FBLN5: variants seen among roughly 807,000 people sequenced by gnomAD.
FBLN5 encodes the protein fibulin-5.
FBLN5 carries 24 observed loss-of-function variants against 61.6 expected under a neutral mutation model. The observed-to-expected ratio is 0.39, with a 90% CI of 0.28 to 0.55. FBLN5 has a LOEUF of 0.55. Among genes scored for constraint, FBLN5 ranks in the 20% least tolerant of loss-of-function variants. The pLI, the probability that FBLN5 is intolerant of heterozygous loss-of-function variation, is 0.65. For synonymous variants in FBLN5, 213 were observed against 219.8 expected (o/e 0.97, Z 0.27); for missense variants, 470 against 594.1 (o/e 0.79, Z 2.17).
At chr14:91,874,385 G>A (rs886345296) in intron 10 of FBLN5, 5 of 152,168 alleles carry the variant, frequency 3.3e-5, no homozygotes, top group Admixed American at 3.3e-4. Flanking sequence ...ATTGTAACTG[G>A]ATGTTAGACT....
intron 10 of FBLN5, among the ~76,000 whole-genome samples, chr14:91,871,689 TCTA>T (rs1490781904): frequency 1.3e-5 from 2 of 152,050 alleles, no homozygotes; most frequent in East Asian, 3.9e-4. Flanking sequence ...AAACCCCATC[TCTA>T]CTAAAACTAG....
chr14:91,928,335 G>A (rs543073480), intron 4 of FBLN5, among the ~76,000 whole-genome samples: 1 of 152,344 alleles, frequency 6.6e-6, no homozygotes, highest in African/African-American at 2.4e-5. Context: ...AAACTTTTCT[G>A]TGTGTGCCTT....
chr14:91,929,129 T>C (rs1189208367), intron 4 of FBLN5, among the ~76,000 whole-genome samples: 2 of 147,622 alleles, frequency 1.4e-5, no homozygotes. Context: ...CACACACACA[T>C]GATACAGTGA....
rs57921639 is a variant in FBLN5, at chr14:91,887,783, G to A, written c.620-471C>T. Among the ~76,000 whole-genome samples the A allele has an allele frequency of 6.8e-3, 1,037 of 152,154 alleles. 14 individuals are homozygous for A. Among genetic ancestry groups the A allele is most frequent in the African/African-American group, 0.024 (976 of 41,488 alleles). On this transcript the variant is annotated intron_variant, in intron 6 of 10. Transcript: ENST00000342058. ...TGCATAAATAACTTTGCTCATTAGG[G>A]AAGGATCCTGCACTCACTTGATCCT... is the stretch of plus-strand genomic sequence containing the variant.
Position 91,876,056 on chromosome 14 carries a change from C to A in FBLN5, c.1185+1431G>T, listed in dbSNP as rs193075824. 3.3e-5 allele frequency among the ~76,000 whole-genome samples: 5 copies of A among 152,332 alleles called. No homozygotes were observed. In the East Asian group the frequency reaches 9.6e-4, roughly 29 times the overall value. The stretch of plus-strand genomic sequence containing the variant: ...CCAGATAGGGCACTAAGTGGATAAT[C>A]TCATCTAATCCTAAAGTAAACACTC... On this transcript the variant is annotated intron_variant, in intron 10 of 10. Transcript: ENST00000342058.
intron 2 of FBLN5, among the ~76,000 whole-genome samples, chr14:91,941,128 A>T (rs2056098173): frequency 6.6e-6 from 1 of 151,888 alleles, no homozygotes; most frequent in Admixed American, 6.6e-5. Context: ...AAGGGCAATG[A>T]CTCTTTCTTT....
In FBLN5 at chr14:91,909,159, C is replaced by T. The variant is rs149867443; in HGVS notation, c.380-14087G>A. ...GTCTCAATCTCCTGACCTCGTGATCCGCCTGCCTCGGCCTCCCAAAGTGCT... is the reference window on the plus strand; with the variant it reads ...GTCTCAATCTCCTGACCTCGTGATCTGCCTGCCTCGGCCTCCCAAAGTGCT... On this transcript the variant is annotated intron_variant, in intron 4 of 10. Transcript: ENST00000342058. Among the ~76,000 whole-genome samples the T allele has an allele frequency of 7.2e-3, 1,102 of 152,176 alleles. 28 individuals carry two copies. Among genetic ancestry groups the T allele is most frequent in the African/African-American group, 0.025 (1,051 of 41,510 alleles).
chr14:91,923,722 C>A (rs2055779684), intron 4 of FBLN5, among the ~76,000 whole-genome samples: 1 of 152,030 alleles, frequency 6.6e-6, no homozygotes, highest in South Asian at 2.1e-4. Flanking sequence ...TTATGTACAC[C>A]CCCCTCCAAA....
rs1442747524 is a variant in FBLN5, at chr14:91,910,605, C to T, written c.380-15533G>A. Among the ~76,000 whole-genome samples, 82 of 152,242 alleles carry T rather than the reference C, an allele frequency of 5.4e-4. 1 individual carries two copies. The highest frequency in any genetic ancestry group is 2.1e-4 in the South Asian group (1 of 4,826). On this transcript the variant is annotated intron_variant, in intron 4 of 10. Coordinates refer to ENST00000342058, the MANE Select transcript of FBLN5 (RefSeq NM_006329.4). ...CATTCTAAGTTCTATAAACTGTTCC[C>T]ACTGAAAGAAATAATCGATCTGTGA... is the stretch of plus-strand genomic sequence containing the variant.
chr14:91,920,968 C>G (rs1220678532), intron 4 of FBLN5, among the ~76,000 whole-genome samples: 3 of 152,156 alleles, frequency 2.0e-5, no homozygotes, highest in African/African-American at 7.2e-5. Flanking sequence ...CTTCTGAAGC[C>G]AAAGGCTAGT....
At chr14:91,888,165 G>A (rs1889814764) in intron 6 of FBLN5, among the ~76,000 whole-genome samples, 1 of 151,956 alleles carries the variant, frequency 6.6e-6, no homozygotes, top group South Asian at 2.1e-4. Flanking sequence ...CAGGTGATGT[G>A]GCACACGCCT....
At chr14:91,870,413 G>T in intron 10 of FBLN5, 28 bp from the exon 11 acceptor site, 1 of 1,612,450 alleles carries the variant, frequency 6.2e-7, no homozygotes, top group Non-Finnish European at 8.5e-7. Flanking sequence ...GAACACCAGT[G>T]AGAAAAGGCC....
intron 10 of FBLN5, chr14:91,874,938 T>A (rs974871621): frequency 6.6e-6 from 1 of 152,218 alleles, no homozygotes; most frequent in Non-Finnish European, 1.5e-5. Flanking sequence ...AGTTATCTTC[T>A]CATCTCAGCC....
In FBLN5 at chr14:91,906,747, C is replaced by A. The variant is rs150133204; in HGVS notation, c.380-11675G>T. On this transcript the variant is annotated intron_variant, in intron 4 of 10. Coordinates refer to ENST00000342058, the MANE Select transcript of FBLN5 (RefSeq NM_006329.4). ...GCTACATGTGGGGCCAACCAGCTGG[C>A]TGACCTGCCAGACCACCCTTGCCCT... Among the ~76,000 whole-genome samples, 337 of 152,316 alleles carry A rather than the reference C, an allele frequency of 2.2e-3. 1 individual carries two copies. The highest frequency in any genetic ancestry group is 6.8e-3 in the Middle Eastern group (2 of 294).
intron 5 of FBLN5, among the ~76,000 whole-genome samples, chr14:91,892,092 G>C (rs1890020500): frequency 6.6e-6 from 1 of 152,234 alleles, no homozygotes; most frequent in South Asian, 2.1e-4. Context: ...CCTTTGAGCA[G>C]AGCTGGGCAA....
intron 4 of FBLN5, among the ~76,000 whole-genome samples, chr14:91,930,124 C>T (rs988266188): frequency 7.2e-5 from 11 of 152,148 alleles, no homozygotes; most frequent in Admixed American, 5.2e-4. Flanking sequence ...GAAGTCATCA[C>T]GGAATGATGA....
rs146118007 is a variant in FBLN5 at position 91,932,932 on chromosome 14, T to C, written c.379+4015A>G. 7.0e-3 allele frequency among the ~76,000 whole-genome samples: 1,061 copies of C among 152,358 alleles called. 2 individuals are homozygous for C. The highest frequency in any genetic ancestry group is 9.0e-3 in the Non-Finnish European group (612 of 68,032). ...ACCAACAGACAACAGGCTGCTGAGA[T>C]GGCTTCGTATGCATGGCCCCTTTGG... On this transcript the variant is annotated intron_variant, in intron 4 of 10. Transcript: ENST00000342058.
At chr14:91,879,876 C>CTTT (rs1889338939) in intron 9 of FBLN5, among the ~76,000 whole-genome samples, 1 of 152,046 alleles carries the variant, frequency 6.6e-6, no homozygotes, top group Non-Finnish European at 1.5e-5. Flanking sequence ...CTTTCGTCTC[C>CTTT]CATGCGGGGT....
Position 91,882,631 on chromosome 14 carries a change from A to G in FBLN5, c.862+323T>C, listed in dbSNP as rs2430349. 0.67 allele frequency among the ~76,000 whole-genome samples: 101,713 copies of G among 152,222 alleles called. 34,405 individuals are homozygous for G. Among genetic ancestry groups the G allele is most frequent in the Admixed American group, 0.78 (11,868 of 15,306 alleles). On this transcript the variant is annotated intron_variant, in intron 8 of 10. Transcript: ENST00000342058. This position sits in a 1 kb window ranked among gnomAD's most constrained non-coding sequence, Gnocchi z 4.9. ...TAAAAGTCCTGCTTAGCTCTGGAGC[A>G]GTTCTCAGAGGAGCCTCAGAGATCT...
Sources: gnomAD v4.1 joint callset for allele counts (sites outside exome capture counted in the v4.1 genomes callset) on GRCh38, gnomAD v4.1.1 for gene constraint, Gnocchi (gnomAD v3.1) non-coding constraint, MANE v1.5 for transcripts, NCBI Gene and HGNC (gene_info 2026-07-23, HGNC 2026-07-21) for gene names.